The following GPR17 variants were observed in gnomAD, a reference collection of about 807,000 sequenced individuals.
GPR17 encodes the protein G protein-coupled receptor 17, also known as uracil nucleotide/cysteinyl leukotriene receptor.
Under a neutral mutation model 1.5 loss-of-function variants are expected in GPR17, and 4 were observed. The observed-to-expected ratio is 2.73, with a 90% CI of 1.35 to 6.25. The LOEUF is 6.25. Among genes scored for constraint, GPR17 ranks in the 30% most tolerant of loss-of-function variants. GPR17 has a pLI of 0.00. For missense variants in GPR17, 463 were observed against 462.1 expected, an observed-to-expected ratio of 1.00 and a Z score of -0.02; for synonymous variants, 209 against 207.6, an observed-to-expected ratio of 1.01 and a Z score of -0.06.
intron 1 of GPR17, among the ~76,000 whole-genome samples, chr2:127,650,240 A>T (rs1160522861): frequency 6.6e-6 from 1 of 152,112 alleles, no homozygotes; most frequent in East Asian, 1.9e-4. Context: ...GGGTCCAGGC[A>T]CTCAGGATGA....
At chr2:127,649,925 G>C (rs985187296) in intron 1 of GPR17, 3 of 1,126,164 alleles carry the variant, frequency 2.7e-6, no homozygotes, top group South Asian at 2.7e-5. Flanking sequence ...CCTGGTGGTG[G>C]ATCTACTCTG....
intron 1 of GPR17, chr2:127,648,142 T>C: frequency 1.0e-6 from 1 of 985,336 alleles, no homozygotes; most frequent in East Asian, 1.1e-4. Flanking sequence ...CTGTGGAACC[T>C]GGATTCCTGG....
Position 127,647,297 on chromosome 2 carries a change from A to T in GPR17, c.-21+1053A>T, listed in dbSNP as rs980486546. On this transcript the variant is annotated intron_variant, in intron 1 of 1. Transcript: ENST00000486700. This position sits in a 1 kb window ranked among gnomAD's most constrained non-coding sequence, Gnocchi z 4.3. ...AACTCCATGGCAAACTCTGAGACTG[A>T]GTCACACTCCCCACCCTGGCGGTCT... Among the ~76,000 whole-genome samples the T allele has an allele frequency of 6.6e-6, 1 of 152,096 alleles. No homozygotes were observed. Among genetic ancestry groups the T allele is most frequent in the Admixed American group, 6.5e-5 (1 of 15,286 alleles).
At position 127,651,328 on chromosome 2, in the gene GPR17, C is replaced by T; in HGVS notation, c.593C>T (p.Ala198Val). The T allele has an allele frequency of 6.2e-7, 1 of 1,610,958 alleles. No homozygotes were observed. ...KASHHALVSL[A>V]VAFTFPFITT... ...TCCCACCATGCCCTGGTGTCCCTGG[C>T]AGTGGCCTTCACCTTCCCGTTCATC... is the stretch of plus-strand genomic sequence containing the variant. The change falls in exon 2 of 2, where the codon GCA (alanine) becomes GTA (valine). Residue 198 changes from alanine to valine, a missense_variant. By Grantham distance (64) the Ala-to-Val change is moderately conservative. Coordinates refer to ENST00000486700, the MANE Select transcript of GPR17 (RefSeq NM_001161417.2).
chr2:127,649,225 G>A (rs1263175857), intron 1 of GPR17, among the ~76,000 whole-genome samples: 4 of 96,708 alleles, frequency 4.1e-5, no homozygotes, highest in Admixed American at 2.7e-4. Flanking sequence ...AGGGAGAAAT[G>A]TGCAGAGTGA....
At position 127,650,927 on chromosome 2, in the gene GPR17, C is replaced by A; in HGVS notation, c.192C>A (p.Thr64=). ...WLFIRDHKSG[T]PANVFLMHLA... ...TCATCCGAGACCACAAGTCCGGGAC[C>A]CCGGCCAACGTGTTCCTGATGCATC... Residue 64 remains threonine (T), a synonymous_variant, in exon 2 of 2, where the codon ACC becomes ACA. Coordinates refer to ENST00000486700, the MANE Select transcript of GPR17 (RefSeq NM_001161417.2). The A allele has an allele frequency of 1.9e-6, 3 of 1,614,030 alleles. No homozygotes were observed. Among genetic ancestry groups the A allele is most frequent in the Non-Finnish European group, 2.5e-6 (3 of 1,180,038 alleles).
rs371140199 is a variant in GPR17, at chr2:127,651,174, T to C, written c.439T>C (p.Tyr147His). The change falls in exon 2 of 2, where the codon TAC (tyrosine) becomes CAC (histidine). Residue 147 changes from tyrosine to histidine, a missense_variant. Coordinates refer to ENST00000486700, the MANE Select transcript of GPR17 (RefSeq NM_001161417.2). The part of the protein sequence containing the change: ...VKSLKLRRPL[Y>H]AHLACAFLWV... ...GTCCCTCAAGCTCCGCAGGCCCCTC[T>C]ACGCACACCTGGCCTGTGCCTTCCT... 1 of 1,612,314 alleles carries C rather than the reference T, an allele frequency of 6.2e-7. No individual in the cohort carries two copies. The highest frequency in any genetic ancestry group is 8.5e-7 in the Non-Finnish European group (1 of 1,179,964).
rs562242720 is a variant in GPR17, at chr2:127,652,087, G to C, written c.*332G>C. On this transcript the variant is annotated 3_prime_UTR_variant, in exon 2 of 2. Coordinates refer to ENST00000486700, the MANE Select transcript of GPR17 (RefSeq NM_001161417.2). ...CCGCTAGGCTCCCAGCCTCCTTCCC[G>C]CTACAGAATCGCTCATCGGCGAGGC... The C allele has an allele frequency of 2.9e-6, 1 of 342,452 alleles. No individual in the cohort carries two copies. The highest frequency in any genetic ancestry group is 6.0e-5 in the South Asian group (1 of 16,652). The allele number at this position is 342,452 out of a possible 1,614,324, so 21.2% of individuals were successfully genotyped here.
intron 1 of GPR17, chr2:127,650,111 T>C: frequency 6.4e-7 from 1 of 1,568,732 alleles, no homozygotes; most frequent in Non-Finnish European, 8.7e-7. Flanking sequence ...CGTCCCAGGG[T>C]ACAGCCCTTG....
At chr2:127,646,912 G>A (rs966093240) in intron 1 of GPR17, among the ~76,000 whole-genome samples, 10 of 152,356 alleles carry the variant, frequency 6.6e-5, no homozygotes, top group South Asian at 6.2e-4. Context: ...CTCCTCAAAC[G>A]GGGGACAGAA....
In GPR17 at chr2:127,647,965, C is replaced by G. The variant is rs565738026; in HGVS notation, c.-21+1721C>G. ...CCCTCCTTTTACCTCTCCTCCACAG[C>G]CCCCTTCACAGCCCTCAGCCCTTCC... On this transcript the variant is annotated intron_variant, in intron 1 of 1. Transcript: ENST00000486700. This position sits in a 1 kb window ranked among gnomAD's most constrained non-coding sequence, Gnocchi z 4.3. 22 of 950,194 alleles carry G rather than the reference C, an allele frequency of 2.3e-5. No homozygotes were observed. The South Asian group carries it at 9.7e-4, about 42-fold the overall frequency. The allele number at this position is 950,194 out of a possible 1,614,324, so 58.9% of individuals were successfully genotyped here.
chr2:127,651,733 T>C lies in GPR17; in HGVS notation c.998T>C (p.Leu333Pro). The stretch of plus-strand genomic sequence containing the variant: ...GAAGGGAAAACCAACGAGAGCTCGC[T>C]GAGTGCCAAGTCAGAGCTGTGAGCG... The part of the protein sequence containing the change: ...SFEGKTNESS[L>P]SAKSEL Residue 333 changes from leucine to proline, a missense_variant, in exon 2 of 2, where the codon CTG (leucine) becomes CCG (proline). Physicochemically the swap from Leu to Pro is moderately conservative, Grantham distance 98. Transcript: ENST00000486700. 6.2e-7 allele frequency: 1 copy of C among 1,612,644 alleles called. No individual in the cohort carries two copies. Among genetic ancestry groups the C allele is most frequent in the Non-Finnish European group, 8.5e-7 (1 of 1,179,872 alleles).
intron 1 of GPR17, chr2:127,650,170 A>T: frequency 8.4e-7 from 1 of 1,190,206 alleles, no homozygotes; most frequent in Non-Finnish European, 1.2e-6. Context: ...AGCCATGGTC[A>T]GGGGAAGCAG....
At chr2:127,650,297 C>A in intron 1 of GPR17, 2 of 576,752 alleles carry the variant, frequency 3.5e-6, no homozygotes, top group Admixed American at 6.3e-5. Flanking sequence ...GCTGGAATCC[C>A]GGAGACACAC....
Position 127,650,987 on chromosome 2 carries a change from G to A in GPR17, c.252G>A (p.Leu84=), listed in dbSNP as rs970578029. Residue 84 remains leucine, a synonymous_variant, in exon 2 of 2, where the codon CTG becomes CTA. Transcript: ENST00000486700. ...CCGACTTGTCGTGCGTGCTGGTCCT[G>A]CCCACCCGCCTGGTCTACCACTTCT... ...AVADLSCVLV[L]PTRLVYHFSG... 5 of 1,613,668 alleles carry A rather than the reference G, an allele frequency of 3.1e-6. No homozygotes were observed. The highest frequency in any genetic ancestry group is 1.7e-5 in the Admixed American group (1 of 60,012).
chr2:127,649,717 A>G (rs914410471), intron 1 of GPR17, among the ~76,000 whole-genome samples: 1 of 152,126 alleles, frequency 6.6e-6, no homozygotes, highest in Non-Finnish European at 1.5e-5. Flanking sequence ...GGAGCACCCT[A>G]TCCAGACCCA....
At chr2:127,650,324 C>T (rs1683600518) in intron 1 of GPR17, 3 of 562,262 alleles carry the variant, frequency 5.3e-6, no homozygotes, top group Non-Finnish European at 9.5e-6. Context: ...CGCCCCTCAC[C>T]ACCCCTGTCA....
In GPR17 at chr2:127,647,585, G is replaced by A. The variant is rs1169465775; in HGVS notation, c.-21+1341G>A. Among the ~76,000 whole-genome samples the A allele has an allele frequency of 6.6e-6, 1 of 152,104 alleles. No homozygotes were observed. Among genetic ancestry groups the A allele is most frequent in the Non-Finnish European group, 1.5e-5 (1 of 67,990 alleles). Reference sequence around the variant, plus strand: ...GCACAGGCCTGAGGGACAGCCTGGGGTGGAGGGCACCCACCTTGGCCCCTT... The same window carrying A: ...GCACAGGCCTGAGGGACAGCCTGGGATGGAGGGCACCCACCTTGGCCCCTT... On this transcript the variant is annotated intron_variant, in intron 1 of 1. Coordinates refer to ENST00000486700, the MANE Select transcript of GPR17 (RefSeq NM_001161417.2). The surrounding 1 kb of genome is among the most constrained non-coding windows in gnomAD (Gnocchi z 4.3).
At chr2:127,649,923 T>C in intron 1 of GPR17, 1 of 1,077,602 alleles carries the variant, frequency 9.3e-7, no homozygotes, top group East Asian at 2.6e-5. Context: ...CCCCTGGTGG[T>C]GGATCTACTC....
Sources: gnomAD v4.1 joint callset for allele counts (sites outside exome capture counted in the v4.1 genomes callset) on GRCh38, gnomAD v4.1.1 for gene constraint, Gnocchi (gnomAD v3.1) non-coding constraint, MANE v1.5 for transcripts, NCBI Gene and HGNC (gene_info 2026-07-23, HGNC 2026-07-21) for gene names.